Variants in DNAI2 observed in about 807,000 individuals in gnomAD.
The protein encoded by DNAI2 is dynein axonemal intermediate chain 2.
Under a neutral mutation model 74.7 loss-of-function variants are expected in DNAI2, and 63 were observed. The ratio of observed to expected loss-of-function variants is 0.84; its 90% CI spans 0.69 to 1.04. The LOEUF is 1.04. DNAI2 is among the 50% of genes least tolerant of loss of function. The pLI is 0.00. For synonymous variants in DNAI2, 289 were observed against 314.9 expected (o/e 0.92, Z 0.87); for missense variants, 688 against 803.2 (o/e 0.86, Z 1.73).
At chr17:74,279,158 C>T (rs2051256732) in intron 1 of DNAI2, among the ~76,000 whole-genome samples, 1 of 152,116 alleles carries the variant, frequency 6.6e-6, no homozygotes, top group Non-Finnish European at 1.5e-5. Context: ...CAGAGGGAGA[C>T]TCCGTCTCAA....
intron 12 of DNAI2, among the ~76,000 whole-genome samples, chr17:74,312,499 T>C (rs2053593877): frequency 6.6e-6 from 1 of 151,740 alleles, no homozygotes; most frequent in Non-Finnish European, 1.5e-5. Context: ...GGGCACATGG[T>C]GAAAATGCGT....
chr17:74,305,670 CTTTTTTTTT>C (rs4007906), intron 9 of DNAI2, among the ~76,000 whole-genome samples: 2 of 122,230 alleles, frequency 1.6e-5, no homozygotes, highest in South Asian at 5.1e-4. Flanking sequence ...ATTTTATTTC[CTTTTTTTTT>C]TTTTTTTTTT....
intron 6 of DNAI2, among the ~76,000 whole-genome samples, chr17:74,296,775 C>A (rs2052470793): frequency 6.6e-6 from 1 of 152,152 alleles, no homozygotes; most frequent in South Asian, 2.1e-4. Flanking sequence ...CATTCTGCTC[C>A]CTCTTGTGGC....
intron 6 of DNAI2, among the ~76,000 whole-genome samples, chr17:74,295,290 T>A (rs777583144): frequency 6.7e-6 from 1 of 148,594 alleles, no homozygotes; most frequent in Non-Finnish European, 1.5e-5. Context: ...CAATCTCAGC[T>A]ACTTGGGAGG....
intron 13 of DNAI2, 78 bp downstream of exon 13, chr17:74,314,349 C>T (rs1284868652): frequency 9.0e-6 from 14 of 1,548,122 alleles, no homozygotes; most frequent in Non-Finnish European, 1.1e-5. Flanking sequence ...GAGCATCGGG[C>T]CCTGACTCCC....
chr17:74,304,662 C>CA (rs1269949806), intron 8 of DNAI2, among the ~76,000 whole-genome samples: 1 of 152,192 alleles, frequency 6.6e-6, no homozygotes, highest in Non-Finnish European at 1.5e-5. Flanking sequence ...TCGTGCCCCT[C>CA]AAAGAGCTCA....
chr17:74,301,502 G>A (rs558954150), intron 8 of DNAI2, among the ~76,000 whole-genome samples: 28 of 152,196 alleles, frequency 1.8e-4, no homozygotes, highest in Non-Finnish European at 1.9e-4. Context: ...AACATCGGGA[G>A]GCCTGGACTC....
At chr17:74,293,350 A>G (rs1256221039) in intron 6 of DNAI2, among the ~76,000 whole-genome samples, 1 of 152,158 alleles carries the variant, frequency 6.6e-6, no homozygotes, top group East Asian at 1.9e-4. Context: ...GTACATGCAC[A>G]TGCTTATAAT....
At chr17:74,288,178 C>A (rs2051864720) in intron 4 of DNAI2, among the ~76,000 whole-genome samples, 1 of 152,234 alleles carries the variant, frequency 6.6e-6, no homozygotes, top group Non-Finnish European at 1.5e-5. Flanking sequence ...TACAACCATT[C>A]TGTTTTCCAC....
At chr17:74,282,250 C>A (rs2051440246) in intron 2 of DNAI2, among the ~76,000 whole-genome samples, 1 of 152,184 alleles carries the variant, frequency 6.6e-6, no homozygotes, top group African/African-American at 2.4e-5. Flanking sequence ...CTCCCAAGAG[C>A]TCTTGTTTCA....
At chr17:74,287,555 A>T (rs1443899080) in intron 4 of DNAI2, among the ~76,000 whole-genome samples, 1 of 152,226 alleles carries the variant, frequency 6.6e-6, no homozygotes, top group African/African-American at 2.4e-5. Flanking sequence ...TTCACTGCAG[A>T]GGGTGTATGC....
intron 11 of DNAI2, 43 bp downstream of exon 11, chr17:74,310,206 G>A (rs746125918): frequency 1.0e-5 from 16 of 1,603,946 alleles, no homozygotes; most frequent in Admixed American, 5.1e-5. Context: ...AGCACGTCCC[G>A]ACCTGGCCCC....
chr17:74,298,499 G>T (rs1410134264), intron 6 of DNAI2, among the ~76,000 whole-genome samples: 1 of 151,870 alleles, frequency 6.6e-6, no homozygotes, highest in Non-Finnish European at 1.5e-5. Context: ...TAAAGATGGG[G>T]TTTCATCATG....
chr17:74,285,053 G>A lies in DNAI2; in HGVS notation c.197G>A (p.Arg66Gln), dbSNP rs147470752. 1.7e-5 allele frequency: 28 copies of A among 1,614,100 alleles called. No homozygotes were observed. Among genetic ancestry groups the A allele is most frequent in the East Asian group, 2.2e-5 (1 of 44,900 alleles). Reference sequence around the variant, plus strand: ...CTCTCTGTTTAGGCCAACTCAGAGCGGTTTGAGATGGAGACCCGGGGAGTT... The same window carrying A: ...CTCTCTGTTTAGGCCAACTCAGAGCAGTTTGAGATGGAGACCCGGGGAGTT... ...SMSEHEANSERFEMETRGVNH... is the reference protein window; with the variant it reads ...SMSEHEANSEQFEMETRGVNH... Residue 66 changes from arginine to glutamine, a missense_variant, in exon 3 of 14, where the codon CGG becomes CAG. Arg to Gln is a conservative substitution (Grantham distance 43, BLOSUM62 1). Coordinates refer to ENST00000311014, the MANE Select transcript of DNAI2 (RefSeq NM_023036.6).
chr17:74,307,232 AAGG>A (rs770281851), intron 9 of DNAI2: 57 of 456,158 alleles, frequency 1.2e-4, no homozygotes, highest in East Asian at 2.1e-4. Flanking sequence ...GGCTGTGTGA[AAGG>A]AGCAGGGTGT....
intron 6 of DNAI2, among the ~76,000 whole-genome samples, chr17:74,298,439 G>A (rs990779363): frequency 6.6e-6 from 1 of 152,074 alleles, no homozygotes; most frequent in Admixed American, 6.6e-5. Context: ...TGAGAAGCTG[G>A]GATTACAGGT....
intron 1 of DNAI2, among the ~76,000 whole-genome samples, chr17:74,276,378 G>A (rs2051082749): frequency 6.6e-6 from 1 of 152,102 alleles, no homozygotes. Context: ...TTCCCACGGG[G>A]GGAGGATCTC....
At chr17:74,289,785 C>A in intron 5 of DNAI2, 49 bp downstream of exon 5, 1 of 1,612,034 alleles carries the variant, frequency 6.2e-7, no homozygotes, top group Non-Finnish European at 8.5e-7. Flanking sequence ...AGGGCTGGGA[C>A]CAGCACAAGT....
At chr17:74,289,522 A>G (rs2051953880) in intron 4 of DNAI2, 72 bp from the exon 5 acceptor site, 5 of 521,588 alleles carry the variant, frequency 9.6e-6, no homozygotes, top group Non-Finnish European at 1.4e-5. Flanking sequence ...CCATCTGACA[A>G]AAAAAAAAAA....
Sources: allele counts gnomAD v4.1 joint callset (sites outside exome capture counted in the v4.1 genomes callset), GRCh38; gene constraint gnomAD v4.1.1; transcripts MANE v1.5; gene names NCBI Gene and HGNC (gene_info 2026-07-23, HGNC 2026-07-21).